FNDC1: variants seen among roughly 807,000 people sequenced by gnomAD.
The protein encoded by FNDC1 is fibronectin type III domain-containing protein 1.
In FNDC1, 96 loss-of-function variants were observed where a neutral mutation model predicts 168.0. The ratio of observed to expected loss-of-function variants is 0.57; its 90% CI spans 0.48 to 0.68. The LOEUF is 0.68. Among genes scored for constraint, FNDC1 ranks in the 30% least tolerant of loss-of-function variants. The pLI is 0.00. For missense variants in FNDC1, 2,587 were observed against 2,482.1 expected (o/e 1.04, Z -0.90); for synonymous variants, 1,099 against 1,025.9 (o/e 1.07, Z -1.36).
At chr6:159,213,357 G>T (rs1440788753) in intron 4 of FNDC1, among the ~76,000 whole-genome samples, 2 of 152,184 alleles carry the variant, frequency 1.3e-5, no homozygotes, top group Non-Finnish European at 2.9e-5. Flanking sequence ...CTTCACTCCT[G>T]ACTCCTCAGG....
intron 4 of FNDC1, among the ~76,000 whole-genome samples, chr6:159,214,369 A>C (rs1782668137): frequency 6.6e-6 from 1 of 152,252 alleles, no homozygotes; most frequent in South Asian, 2.1e-4. Context: ...CAAGTAAAAA[A>C]AACAACAGAC....
chr6:159,215,051 C>G lies in FNDC1; in HGVS notation c.567C>G (p.Arg189=). Residue 189 remains arginine (R), a synonymous_variant, in exon 5 of 23, where the codon CGC becomes CGG. Transcript: ENST00000297267. ...GCCTGTCTGGAGCCAAGAGTCCACG[C>G]AGATCACGGGGTTTTCTCCTGGGCT... ...APRLSGAKSP[R]RSRGFLLGYG... The G allele has an allele frequency of 6.2e-7, 1 of 1,614,032 alleles. No homozygotes were observed. Among genetic ancestry groups the G allele is most frequent in the East Asian group, 2.2e-5 (1 of 44,882 alleles).
At chr6:159,208,759 A>T (rs531170699) in intron 4 of FNDC1, among the ~76,000 whole-genome samples, 1 of 152,234 alleles carries the variant, frequency 6.6e-6, no homozygotes, top group East Asian at 1.9e-4. Context: ...TGACACAACT[A>T]AGATTCCATG....
At chr6:159,171,978 C>T (rs561212790) in intron 1 of FNDC1, among the ~76,000 whole-genome samples, 1 of 152,078 alleles carries the variant, frequency 6.6e-6, no homozygotes, top group Non-Finnish European at 1.5e-5. Context: ...GGGTAAACTG[C>T]GGGTGTCTTA....
chr6:159,224,157 A>G (rs768005870), intron 7 of FNDC1, among the ~76,000 whole-genome samples: 10 of 152,220 alleles, frequency 6.6e-5, no homozygotes, highest in Non-Finnish European at 1.2e-4. Context: ...TGGCTCATTT[A>G]TACATAACAA....
chr6:159,263,020 A>G (rs145030666), intron 19 of FNDC1, among the ~76,000 whole-genome samples: 1 of 152,366 alleles, frequency 6.6e-6, no homozygotes, highest in Non-Finnish European at 1.5e-5. Context: ...TGCCAAACAT[A>G]ACAATTGGAA....
chr6:159,199,802 A>T (rs1171562340), intron 2 of FNDC1, among the ~76,000 whole-genome samples, 194 bp from the exon 3 acceptor site: 1 of 152,196 alleles, frequency 6.6e-6, no homozygotes, highest in Admixed American at 6.5e-5. Context: ...TGTGTTTTTC[A>T]GTTGCATGAG....
chr6:159,223,796 A>G (rs980712017), intron 7 of FNDC1, among the ~76,000 whole-genome samples, 151 bp downstream of exon 7: 1 of 152,226 alleles, frequency 6.6e-6, no homozygotes, highest in Non-Finnish European at 1.5e-5. Context: ...TTCTATGACA[A>G]TCTAGTTAAT....
chr6:159,243,135 G>A (rs1016680092), intron 14 of FNDC1: 3 of 150,358 alleles, frequency 2.0e-5, no homozygotes, highest in African/African-American at 7.4e-5. Context: ...AAGACCTTAA[G>A]GTATAGGCAT....
Position 159,221,700 on chromosome 6 carries a change from T to A in FNDC1, c.766+4T>A. The A allele has an allele frequency of 6.2e-7, 1 of 1,611,444 alleles. No homozygotes were observed. On this transcript the variant is annotated splice_donor_region_variant and intron_variant, in intron 6 of 22. Transcript: ENST00000297267. The stretch of plus-strand genomic sequence containing the variant: ...CTAACAAAGCGAAAGATTTCAGGTA[T>A]GTTTCTAAGGATGCATTTGGTCAAA...
At chr6:159,201,234 T>C (rs74908414) in intron 4 of FNDC1, among the ~76,000 whole-genome samples, 1,925 of 152,326 alleles carry the variant, frequency 0.013, 12 homozygotes, top group Non-Finnish European at 0.021. Context: ...AAAAGCACTA[T>C]GGTGAGGAGC....
At chr6:159,264,937 T>C in intron 19 of FNDC1, 38 bp from the exon 20 acceptor site, 1 of 1,560,440 alleles carries the variant, frequency 6.4e-7, no homozygotes, top group Non-Finnish European at 8.7e-7. Flanking sequence ...GATTGTGAAA[T>C]ATGGCACAGA....
chr6:159,234,540 TAAG>T, intron 11 of FNDC1, 61 bp downstream of exon 11: 1 of 1,521,472 alleles, frequency 6.6e-7, no homozygotes, highest in Non-Finnish European at 9.0e-7. Flanking sequence ...TGGCAATGCC[TAAG>T]AAGTTTTTAT....
At chr6:159,171,704 G>A (rs953752604) in intron 1 of FNDC1, among the ~76,000 whole-genome samples, 4 of 152,136 alleles carry the variant, frequency 2.6e-5, no homozygotes, top group African/African-American at 4.8e-5. Context: ...CCCTACAATA[G>A]GATACTATGC....
chr6:159,225,617 G>C lies in FNDC1; in HGVS notation c.967G>C (p.Glu323Gln). The C allele has an allele frequency of 6.2e-7, 1 of 1,613,980 alleles. No individual in the cohort carries two copies. Among genetic ancestry groups the C allele is most frequent in the Non-Finnish European group, 8.5e-7 (1 of 1,179,886 alleles). Reference protein sequence around the residue: ...KQIANRRVLIENLIPDTVYEF... With the variant: ...KQIANRRVLIQNLIPDTVYEF... The stretch of plus-strand genomic sequence containing the variant: ...GATCGCTAACAGGCGTGTGCTGATT[G>C]AGAACCTGATTCCAGACACTGTGTA... Residue 323 changes from glutamate to glutamine, a missense_variant, in exon 8 of 23, where the codon GAG becomes CAG. Coordinates refer to ENST00000297267, the MANE Select transcript of FNDC1 (RefSeq NM_032532.3).
chr6:159,179,498 C>T (rs1781837800), intron 1 of FNDC1, among the ~76,000 whole-genome samples: 2 of 152,156 alleles, frequency 1.3e-5, no homozygotes, highest in Admixed American at 1.3e-4. Context: ...GGGTTGATGC[C>T]TCATCCTCTT....
At position 159,263,022 on chromosome 6, in the gene FNDC1, C is replaced by T. The variant is rs561192683; in HGVS notation, c.5254+1753C>T. 2.0e-5 allele frequency among the ~76,000 whole-genome samples: 3 copies of T among 152,340 alleles called. No homozygotes were observed. The East Asian group carries it at 5.8e-4, about 29-fold the overall frequency. On this transcript the variant is annotated intron_variant, in intron 19 of 22. Coordinates refer to ENST00000297267, the MANE Select transcript of FNDC1 (RefSeq NM_032532.3). ...GAATTATGGCATTTGCCAAACATAA[C>T]AATTGGAAAATTAATATAGAAAGTC...
At chr6:159,253,208 A>G (rs1309518344) in intron 17 of FNDC1, among the ~76,000 whole-genome samples, 1 of 152,166 alleles carries the variant, frequency 6.6e-6, no homozygotes, top group Admixed American at 6.5e-5. Flanking sequence ...GGCACTCCCA[A>G]TACAGAGCCG....
intron 1 of FNDC1, among the ~76,000 whole-genome samples, chr6:159,186,434 C>T (rs767768435): frequency 7.9e-5 from 12 of 152,316 alleles, no homozygotes; most frequent in South Asian, 2.1e-4. Flanking sequence ...TTGCCCTCAT[C>T]GTGCAATGGT....
Sources: allele counts gnomAD v4.1 joint callset (sites outside exome capture counted in the v4.1 genomes callset), GRCh38; gene constraint gnomAD v4.1.1; transcripts MANE v1.5; gene names NCBI Gene and HGNC (gene_info 2026-07-23, HGNC 2026-07-21).